The following CCL25 variants were observed in gnomAD, a reference collection of about 807,000 sequenced individuals.
The protein encoded by CCL25 is C-C motif chemokine 25.
A neutral mutation model predicts 19.9 loss-of-function variants in CCL25; 14 were observed. The observed-to-expected ratio is 0.70, with a 90% CI of 0.47 to 1.10. CCL25 has a LOEUF of 1.10. Among genes scored for constraint, CCL25 ranks in the 50% least tolerant of loss-of-function variants. The pLI is 0.00. For synonymous variants in CCL25, 68 were observed against 73.2 expected, an observed-to-expected ratio of 0.93 and a Z score of 0.36; for missense variants, 151 against 181.2, an observed-to-expected ratio of 0.83 and a Z score of 0.96.
Position 8,056,154 on chromosome 19 carries a change from GTCTT to G in CCL25, c.78_81del (p.Phe27ArgfsTer27). The G allele has an allele frequency of 6.5e-7, 1 of 1,542,430 alleles. No individual in the cohort carries two copies. ...TCTGGGCGGCTGTGTGGTTGCAGGT[GTCTT>G]TGAGGACTGCTGCCTGGCCTACCAC... On this transcript the variant is annotated frameshift_variant, in exon 3 of 6. Coordinates refer to ENST00000315626, the MANE Select transcript of CCL25 (RefSeq NM_005624.4). LOFTEE classifies it high-confidence loss of function.
chr19:8,058,894 G>A (rs1239988192), intron 5 of CCL25, among the ~76,000 whole-genome samples: 6 of 139,838 alleles, frequency 4.3e-5, no homozygotes, highest in African/African-American at 5.3e-5. Context: ...TCCTGACTTC[G>A]TGACCCACCC....
At chr19:8,056,606 C>A in intron 4 of CCL25, 107 bp downstream of exon 4, 2 of 1,247,944 alleles carry the variant, frequency 1.6e-6, no homozygotes, top group East Asian at 2.4e-5. Context: ...AATACTGACA[C>A]CTGCCTGAAC....
intron 2 of CCL25, among the ~76,000 whole-genome samples, chr19:8,053,547 ATT>A (rs57912076): frequency 3.2e-4 from 39 of 120,628 alleles, no homozygotes; most frequent in East Asian, 1.9e-3. Context: ...CTCCTAAACC[ATT>A]TTTTTTTTTT....
intron 2 of CCL25, among the ~76,000 whole-genome samples, chr19:8,055,672 T>C (rs1231557079): frequency 2.6e-5 from 4 of 152,100 alleles, no homozygotes; most frequent in Non-Finnish European, 5.9e-5. Context: ...GGTTTCACCA[T>C]ATTGGCCAGG....
chr19:8,062,117 G>T, intron 5 of CCL25, 101 bp from the exon 6 acceptor site: 2 of 1,157,114 alleles, frequency 1.7e-6, no homozygotes, highest in Non-Finnish European at 2.6e-6. Context: ...ATTCACAAGG[G>T]TTTTAGGAGC....
In CCL25 at chr19:8,062,630, C is replaced by A. The variant is rs1444171766; in HGVS notation, c.*405C>A. On this transcript the variant is annotated 3_prime_UTR_variant, in exon 6 of 6. Transcript: ENST00000315626. ...TGCTTTTCTATAACTTTTAAATAAACCTTGGGGGGTGATGGAGTCATTCCT... is the reference window on the plus strand; with the variant it reads ...TGCTTTTCTATAACTTTTAAATAAAACTTGGGGGGTGATGGAGTCATTCCT... 2 of 188,180 alleles carry A rather than the reference C, an allele frequency of 1.1e-5. No homozygotes were observed. Among genetic ancestry groups the A allele is most frequent in the African/African-American group, 4.7e-5 (2 of 42,828 alleles). The allele number at this position is 188,180 out of a possible 1,614,324, so 11.7% of individuals were successfully genotyped here. A position where few individuals can be genotyped will look rare whatever the true frequency, so the allele number is the denominator to read the frequency against.
chr19:8,056,623 C>G, intron 4 of CCL25, 124 bp downstream of exon 4: 1 of 1,082,994 alleles, frequency 9.2e-7, no homozygotes. Flanking sequence ...GAACCCCAAA[C>G]AAAGCCAGTT....
Position 8,057,785 on chromosome 19 carries a change from C to G in CCL25, c.326-16C>G. 1 of 1,607,576 alleles carries G rather than the reference C, an allele frequency of 6.2e-7. No homozygotes were observed. The highest frequency in any genetic ancestry group is 1.1e-5 in the South Asian group (1 of 90,370). ...GATGGCAGAGCTCTTGCTTATTTCT[C>G]TCTCCATTTCTCCAGCAGGCCCTCA... On this transcript the variant is annotated splice_polypyrimidine_tract_variant and intron_variant, in intron 4 of 5. Transcript: ENST00000315626.
chr19:8,053,426 GA>G (rs2081246962), intron 2 of CCL25, among the ~76,000 whole-genome samples: 2 of 152,036 alleles, frequency 1.3e-5, no homozygotes, highest in Non-Finnish European at 2.9e-5. Flanking sequence ...ATGTATTGTA[GA>G]ATCCTAATCC....
chr19:8,053,061 G>T lies in CCL25; in HGVS notation c.12G>T (p.Trp4Cys), dbSNP rs374838188. MNL[W>C]LLACLVAGFL... ...GACCCGCCTGCAGCATGAACCTGTG[G>T]CTCCTGGCCTGCCTGGTGGCCGGCT... The change falls in exon 2 of 6, where the codon TGG becomes TGT. Residue 4 changes from tryptophan to cysteine, a missense_variant. Trp to Cys is a radical substitution (Grantham distance 215). Coordinates refer to ENST00000315626, the MANE Select transcript of CCL25 (RefSeq NM_005624.4). 8.1e-5 allele frequency: 126 copies of T among 1,551,912 alleles called. No homozygotes were observed. In the African/African-American group the frequency reaches 1.6e-3, roughly 19 times the overall value.
At chr19:8,058,526 AATAATAT>A (rs1197464250) in intron 5 of CCL25, among the ~76,000 whole-genome samples, 161 of 114,672 alleles carry the variant, frequency 1.4e-3, no homozygotes, top group African/African-American at 5.2e-3. Context: ...ATAATATATA[AATAATAT>A]ATAATATATA....
At chr19:8,057,218 C>T (rs1354668842) in intron 4 of CCL25, among the ~76,000 whole-genome samples, 1 of 152,162 alleles carries the variant, frequency 6.6e-6, no homozygotes, top group Non-Finnish European at 1.5e-5. Flanking sequence ...CGGGGTTTCA[C>T]CATGTTGGCC....
chr19:8,062,477 TC>T lies in CCL25; in HGVS notation c.*253del, dbSNP rs1223197765. On this transcript the variant is annotated 3_prime_UTR_variant, in exon 6 of 6. Transcript: ENST00000315626. ...GCAGCAATCCTGGGCAGCCAGTGGC[TC>T]TTGTAGAGAAGACTTAGGATACCTC... is the stretch of plus-strand genomic sequence containing the variant. 8.1e-5 allele frequency: 44 copies of T among 546,034 alleles called. No homozygotes were observed. The highest frequency in any genetic ancestry group is 7.2e-4 in the African/African-American group (38 of 52,886). 33.8% of individuals were successfully genotyped at this position (546,034 alleles called of 1,614,324 possible).
At chr19:8,061,388 AC>A (rs2081316924) in intron 5 of CCL25, among the ~76,000 whole-genome samples, 1 of 149,236 alleles carries the variant, frequency 6.7e-6, no homozygotes, top group South Asian at 2.1e-4. Context: ...CTTGTGATCC[AC>A]CTGCCTTGGC....
intron 5 of CCL25, 136 bp from the exon 6 acceptor site, chr19:8,062,082 A>T: frequency 1.4e-6 from 1 of 691,884 alleles, no homozygotes; most frequent in Non-Finnish European, 2.5e-6. Flanking sequence ...AGCATAAAAG[A>T]TTCTAGCACT....
At chr19:8,055,521 A>C (rs2081264426) in intron 2 of CCL25, among the ~76,000 whole-genome samples, 1 of 151,704 alleles carries the variant, frequency 6.6e-6, no homozygotes, top group Non-Finnish European at 1.5e-5. Flanking sequence ...TTTTTAGTAG[A>C]GACGGGGTTT....
intron 5 of CCL25, among the ~76,000 whole-genome samples, chr19:8,061,353 G>A (rs938478541): frequency 6.6e-6 from 1 of 151,622 alleles, no homozygotes; most frequent in Non-Finnish European, 1.5e-5. Flanking sequence ...CACTATGTTG[G>A]CCAGGCTGGT....
At chr19:8,057,420 C>T (rs1272876779) in intron 4 of CCL25, among the ~76,000 whole-genome samples, 2 of 152,082 alleles carry the variant, frequency 1.3e-5, no homozygotes, top group Non-Finnish European at 2.9e-5. Flanking sequence ...GCCTTGTGTT[C>T]CTGGGCTCAA....
intron 5 of CCL25, among the ~76,000 whole-genome samples, chr19:8,060,200 T>C (rs993466467): frequency 2.0e-5 from 3 of 150,308 alleles, no homozygotes; most frequent in African/African-American, 7.3e-5. Context: ...AATTAGCTAG[T>C]TGTGGTGGCA....
Sources: allele counts gnomAD v4.1 joint callset (sites outside exome capture counted in the v4.1 genomes callset), GRCh38; gene constraint gnomAD v4.1.1; transcripts MANE v1.5; gene names NCBI Gene and HGNC (gene_info 2026-07-23, HGNC 2026-07-21).